The following SIPA1L1 variants were observed in gnomAD, a reference collection of about 807,000 sequenced individuals.
The protein encoded by SIPA1L1 is signal-induced proliferation-associated 1-like protein 1.
Under a neutral mutation model 162.7 loss-of-function variants are expected in SIPA1L1, and 26 were observed. The ratio of observed to expected loss-of-function variants is 0.16; its 90% CI spans 0.12 to 0.22. The LOEUF (loss-of-function observed/expected upper bound fraction) is 0.22. Ranked by LOEUF, SIPA1L1 falls within the 10% of genes least tolerant of loss-of-function variation. SIPA1L1 has a pLI of 1.00. For synonymous variants in SIPA1L1, 829 were observed against 837.4 expected, an observed-to-expected ratio of 0.99 and a Z score of 0.17; for missense variants, 1,874 against 2,241.0, an observed-to-expected ratio of 0.84 and a Z score of 3.31.
At chr14:71,706,123 C>A (rs1398657887) in intron 16 of SIPA1L1, among the ~76,000 whole-genome samples, 1 of 151,836 alleles carries the variant, frequency 6.6e-6, no homozygotes, top group African/African-American at 2.4e-5. Flanking sequence ...GTAAGTTTTG[C>A]TATAGAAAAA....
Position 71,341,093 on chromosome 14 carries a change from T to C in SIPA1L1, c.-465+19912T>C, listed in dbSNP as rs915470499. 1.3e-4 allele frequency among the ~76,000 whole-genome samples: 20 copies of C among 152,222 alleles called. 1 individual carries two copies. Among genetic ancestry groups the C allele is most frequent in the Non-Finnish European group, 2.9e-5 (2 of 68,036 alleles). ...TTCTGGCCAACAGAACTTACTGAGA[T>C]GTGGGGAGCAACTTCCACAGTGGGC... On this transcript the variant is annotated intron_variant, in intron 2 of 23. Coordinates refer to ENST00000381232, the MANE Select transcript of SIPA1L1 (RefSeq NM_001386936.1).
chr14:71,375,291 T>G (rs1484146138), intron 2 of SIPA1L1, among the ~76,000 whole-genome samples: 1 of 152,176 alleles, frequency 6.6e-6, no homozygotes, highest in Non-Finnish European at 1.5e-5. Flanking sequence ...TCATCTTTCT[T>G]TATTTTCCCA....
chr14:71,510,519 C>T (rs2051059173), intron 2 of SIPA1L1, among the ~76,000 whole-genome samples: 1 of 152,044 alleles, frequency 6.6e-6, no homozygotes, highest in South Asian at 2.1e-4. Context: ...AAATCTCAAA[C>T]ATAATATACT....
intron 2 of SIPA1L1, among the ~76,000 whole-genome samples, chr14:71,412,776 A>G (rs888044653): frequency 6.6e-6 from 1 of 152,202 alleles, no homozygotes; most frequent in East Asian, 1.9e-4. Flanking sequence ...ATAGTTTGAA[A>G]TAGTGTTTAA....
intron 2 of SIPA1L1, among the ~76,000 whole-genome samples, chr14:71,476,951 T>G (rs2047916910): frequency 6.6e-6 from 1 of 152,076 alleles, no homozygotes; most frequent in African/African-American, 2.4e-5. Flanking sequence ...CTCTTCTACC[T>G]CGCTCAAAAA....
chr14:71,532,837 A>G (rs1489682340), intron 4 of SIPA1L1, among the ~76,000 whole-genome samples: 1 of 152,180 alleles, frequency 6.6e-6, no homozygotes, highest in Non-Finnish European at 1.5e-5. Flanking sequence ...AGATTCCTCC[A>G]TGGTTCCCAT....
chr14:71,527,801 T>C (rs1387340957), intron 3 of SIPA1L1, among the ~76,000 whole-genome samples: 4 of 152,196 alleles, frequency 2.6e-5, no homozygotes, highest in Admixed American at 1.3e-4. Context: ...TAGACTTTCA[T>C]GTTTTTCAGT....
chr14:71,740,578 A>G lies in SIPA1L1; in HGVS notation c.*1417A>G, dbSNP rs2152890487. 1 of 152,310 alleles carries G rather than the reference A, an allele frequency of 6.6e-6. No individual in the cohort carries two copies. Among genetic ancestry groups the G allele is most frequent in the Non-Finnish European group, 1.5e-5 (1 of 68,034 alleles). 9.4% of individuals were successfully genotyped at this position (152,310 alleles called of 1,614,324 possible). On this transcript the variant is annotated 3_prime_UTR_variant, in exon 24 of 24. Transcript: ENST00000381232. ...CATCTGATTGGAAGTTCCCTCACCC[A>G]AGTAATCTCAATTCCTTCCTCTCTC...
At chr14:71,526,690 G>A (rs2052909811) in intron 3 of SIPA1L1, among the ~76,000 whole-genome samples, 1 of 151,876 alleles carries the variant, frequency 6.6e-6, no homozygotes, top group East Asian at 1.9e-4. Flanking sequence ...TTTATGGCCT[G>A]CAAAGCCTGA....
Position 71,588,911 on chromosome 14 carries a change from A to G in SIPA1L1, c.1039A>G (p.Ile347Val), listed in dbSNP as rs968855046. 2.5e-6 allele frequency: 4 copies of G among 1,614,022 alleles called. No individual in the cohort carries two copies. Among genetic ancestry groups the G allele is most frequent in the African/African-American group, 1.3e-5 (1 of 74,928 alleles). Reference protein sequence around the residue: ...QSILFDLNEAIMNRHNVIKRR... With the variant: ...QSILFDLNEAVMNRHNVIKRR... ...TATATTATTTGATTTGAATGAGGCA[A>G]TTATGAACAGGCACAATGTTATTAA... is the stretch of plus-strand genomic sequence containing the variant. Residue 347 changes from isoleucine (I) to valine (V), a missense_variant, in exon 5 of 24, where the codon ATT becomes GTT. This residue lies in a region of SIPA1L1 where 685 missense variants were observed against 828.0 expected (regional missense o/e 0.83). Coordinates refer to ENST00000381232, the MANE Select transcript of SIPA1L1 (RefSeq NM_001386936.1). This position sits in a 1 kb window ranked among gnomAD's most constrained non-coding sequence, Gnocchi z 4.3.
At chr14:71,582,531 T>C (rs558021523) in intron 4 of SIPA1L1, among the ~76,000 whole-genome samples, 1 of 152,172 alleles carries the variant, frequency 6.6e-6, no homozygotes, top group African/African-American at 2.4e-5. Flanking sequence ...CGAGGGTGAG[T>C]GGGAGGGAAA....
chr14:71,570,530 G>A (rs926672522), intron 4 of SIPA1L1, among the ~76,000 whole-genome samples: 6 of 152,074 alleles, frequency 3.9e-5, no homozygotes, highest in African/African-American at 1.4e-4. Flanking sequence ...CTCTCAAAGA[G>A]CTGGGATTAC....
chr14:71,465,883 T>C (rs1372849045), intron 2 of SIPA1L1, among the ~76,000 whole-genome samples: 1 of 152,170 alleles, frequency 6.6e-6, no homozygotes, highest in African/African-American at 2.4e-5. Context: ...GCATCCAGCA[T>C]GGGAGAAAGA....
intron 2 of SIPA1L1, among the ~76,000 whole-genome samples, chr14:71,510,481 C>T (rs1415350888): frequency 6.6e-6 from 1 of 152,138 alleles, no homozygotes; most frequent in Non-Finnish European, 1.5e-5. Context: ...AGCCACCACG[C>T]CTGGCCTAAT....
chr14:71,323,550 C>A (rs933514356), intron 2 of SIPA1L1, among the ~76,000 whole-genome samples: 1 of 152,120 alleles, frequency 6.6e-6, no homozygotes, highest in Non-Finnish European at 1.5e-5. Flanking sequence ...CCTTTTGGTT[C>A]ACTGACCATA....
intron 2 of SIPA1L1, among the ~76,000 whole-genome samples, chr14:71,511,435 C>T (rs986242956): frequency 1.3e-5 from 2 of 152,140 alleles, no homozygotes; most frequent in African/African-American, 4.8e-5. Flanking sequence ...CAGGCGTGGG[C>T]CACCATGCCT....
At chr14:71,554,955 A>C (rs926942070) in intron 4 of SIPA1L1, among the ~76,000 whole-genome samples, 2 of 152,154 alleles carry the variant, frequency 1.3e-5, no homozygotes, top group African/African-American at 4.8e-5. Flanking sequence ...TTAAAAAAAA[A>C]ACAACAATTT....
intron 2 of SIPA1L1, among the ~76,000 whole-genome samples, chr14:71,442,887 AATT>A (rs1466922962): frequency 1.3e-5 from 2 of 152,192 alleles, no homozygotes; most frequent in African/African-American, 2.4e-5. Context: ...AGTGAGCTAT[AATT>A]ATGCCATTCT....
intron 17 of SIPA1L1, among the ~76,000 whole-genome samples, chr14:71,718,911 T>C (rs1388539197): frequency 6.6e-6 from 1 of 152,110 alleles, no homozygotes; most frequent in African/African-American, 2.4e-5. Context: ...CAATTTTGGA[T>C]ATTCAGAATC....
Sources: allele counts gnomAD v4.1 joint callset (sites outside exome capture counted in the v4.1 genomes callset), GRCh38; gene constraint gnomAD v4.1.1; regional missense constraint gnomAD v4.1.1; non-coding constraint Gnocchi (gnomAD v3.1); transcripts MANE v1.5; gene names NCBI Gene and HGNC (gene_info 2026-07-23, HGNC 2026-07-21).